Variants in CFAP58 observed in about 807,000 individuals in gnomAD.
CFAP58 encodes the protein cilia- and flagella-associated protein 58.
Under a neutral mutation model 119.5 loss-of-function variants are expected in CFAP58, and 88 were observed. The ratio of observed to expected loss-of-function variants is 0.74; its 90% confidence interval spans 0.62 to 0.88. The LOEUF is 0.88. CFAP58 is among the 40% of genes least tolerant of loss of function. CFAP58 has a pLI of 0.00. For synonymous variants in CFAP58, 365 were observed against 366.3 expected (o/e 1.00, Z 0.04); for missense variants, 990 against 1,021.2 (o/e 0.97, Z 0.42).
chr10:104,379,943 A>C, intron 8 of CFAP58, 86 bp from the exon 9 acceptor site: 1 of 1,029,288 alleles, frequency 9.7e-7, no homozygotes, highest in East Asian at 2.4e-5. Context: ...ATATCTAATT[A>C]TGTTAGAGAT....
intron 15 of CFAP58, among the ~76,000 whole-genome samples, chr10:104,442,397 G>A (rs898428009): frequency 2.6e-5 from 4 of 152,086 alleles, no homozygotes; most frequent in African/African-American, 9.7e-5. Flanking sequence ...AGACCAGCCT[G>A]ACCAACATGG....
At chr10:104,358,706 A>G (rs575939757) in intron 2 of CFAP58, 84 bp downstream of exon 2, 1 of 1,238,338 alleles carries the variant, frequency 8.1e-7, no homozygotes, top group African/African-American at 1.5e-5. Context: ...CTGGTAGTAA[A>G]TGAGTTATTA....
intron 15 of CFAP58, among the ~76,000 whole-genome samples, chr10:104,407,347 G>A (rs2012381880): frequency 6.6e-6 from 1 of 152,134 alleles, no homozygotes; most frequent in Admixed American, 6.5e-5. Flanking sequence ...CTTACTGCAT[G>A]CCAGATATGC....
At chr10:104,398,165 C>T (rs1245285777) in intron 11 of CFAP58, among the ~76,000 whole-genome samples, 2 of 152,230 alleles carry the variant, frequency 1.3e-5, no homozygotes, top group Non-Finnish European at 2.9e-5. Context: ...ATATAAACTC[C>T]TTTATGTGTA....
intron 15 of CFAP58, among the ~76,000 whole-genome samples, chr10:104,439,202 G>A (rs2012993553): frequency 6.6e-6 from 1 of 152,166 alleles, no homozygotes; most frequent in South Asian, 2.1e-4. Context: ...TCCTGGTAAT[G>A]AGAATATTCT....
rs769248158 is a variant in CFAP58 at position 104,366,006 on chromosome 10, A to G, written c.790A>G (p.Lys264Glu). 6.3e-7 allele frequency: 1 copy of G among 1,598,328 alleles called. No homozygotes were observed. The highest frequency in any genetic ancestry group is 8.5e-7 in the Non-Finnish European group (1 of 1,173,680). ...GCTGGAGCAGCAGCTGAAGGAGCAG[A>G]AGGTGAGTTGGGTGTGGGTCTTCGC... The part of the protein sequence containing the change: ...QKLEQQLKEQ[K>E]ILNERAAKEL... The change falls in exon 5 of 18, where the codon AAG becomes GAG. Residue 264 changes from lysine (K) to glutamate (E), a missense_variant and splice_region_variant. Coordinates refer to ENST00000369704, the MANE Select transcript of CFAP58 (RefSeq NM_001008723.2).
At chr10:104,380,250 G>T in intron 9 of CFAP58, 30 bp downstream of exon 9, 1 of 1,583,306 alleles carries the variant, frequency 6.3e-7, no homozygotes, top group Non-Finnish European at 8.6e-7. Context: ...TGTGGGTGGA[G>T]CAGAGGCACA....
intron 3 of CFAP58, 36 bp downstream of exon 3, chr10:104,362,207 C>T: frequency 6.4e-7 from 1 of 1,567,606 alleles, no homozygotes; most frequent in Non-Finnish European, 8.7e-7. Context: ...GTTAAACTTG[C>T]TTTTGCAGAG....
intron 7 of CFAP58, among the ~76,000 whole-genome samples, 193 bp downstream of exon 7, chr10:104,371,247 A>G (rs967919874): frequency 6.6e-6 from 1 of 152,130 alleles, no homozygotes; most frequent in African/African-American, 2.4e-5. Flanking sequence ...CTCTTACCTT[A>G]AACAATTCTT....
At chr10:104,427,059 C>T (rs761678881) in intron 15 of CFAP58, among the ~76,000 whole-genome samples, 7 of 152,066 alleles carry the variant, frequency 4.6e-5, no homozygotes, top group Non-Finnish European at 1.0e-4. Flanking sequence ...TGTTACAATG[C>T]CCAAGGAGAT....
intron 15 of CFAP58, among the ~76,000 whole-genome samples, chr10:104,438,508 T>C (rs1417979047): frequency 6.6e-6 from 1 of 151,746 alleles, no homozygotes; most frequent in Non-Finnish European, 1.5e-5. Context: ...CCCGAGTAGC[T>C]GGGACTACAG....
At chr10:104,448,331 A>G (rs551500282) in intron 16 of CFAP58, among the ~76,000 whole-genome samples, 1 of 152,254 alleles carries the variant, frequency 6.6e-6, no homozygotes, top group Non-Finnish European at 1.5e-5. Flanking sequence ...GGGAAATAAA[A>G]TCAGGCAAGA....
At chr10:104,376,213 G>A (rs1235357796) in intron 7 of CFAP58, among the ~76,000 whole-genome samples, 1 of 151,904 alleles carries the variant, frequency 6.6e-6, no homozygotes, top group Non-Finnish European at 1.5e-5. Flanking sequence ...ATGATATACA[G>A]CGTTAAATAA....
intron 11 of CFAP58, among the ~76,000 whole-genome samples, chr10:104,395,443 C>T (rs1316017142): frequency 6.6e-6 from 1 of 152,144 alleles, no homozygotes; most frequent in African/African-American, 2.4e-5. Context: ...AACTGGGATG[C>T]CCTTTCTCCC....
intron 15 of CFAP58, among the ~76,000 whole-genome samples, chr10:104,419,709 G>A (rs559937050): frequency 2.6e-5 from 4 of 152,010 alleles, no homozygotes; most frequent in Non-Finnish European, 5.9e-5. Flanking sequence ...TGGTGACTTC[G>A]TTGCTTTGTT....
In CFAP58 at chr10:104,380,215, C is replaced by T. The variant is rs145302969; in HGVS notation, c.1360C>T (p.Gln454Ter). 2.7e-4 allele frequency: 429 copies of T among 1,613,226 alleles called. 1 individual carries two copies. Among genetic ancestry groups the T allele is most frequent in the Admixed American group, 5.7e-4 (34 of 59,976 alleles). Reference sequence around the variant, plus strand: ...CATCAACCAAGCCAGTGACCTTACGCAAAAGGTAAGCTGCTCAGTGATGTT... The same window carrying T: ...CATCAACCAAGCCAGTGACCTTACGTAAAAGGTAAGCTGCTCAGTGATGTT... ...RYINQASDLT[Q>*]KVLMNMEDIK... The change falls in exon 9 of 18, where the codon CAA becomes TAA. Residue 454 changes from glutamine to a stop codon, truncating the protein, a stop_gained. Transcript: ENST00000369704. LOFTEE classifies it high-confidence loss of function.
Position 104,403,796 on chromosome 10 carries a change from G to A in CFAP58, c.2107G>A (p.Glu703Lys). Residue 703 changes from glutamate to lysine, a missense_variant, in exon 14 of 18, where the codon GAG becomes AAG. Transcript: ENST00000369704. ...GACACGCTGCCGAGCCCTGGAGGAG[G>A]AGCTGGAGAATCCCCTGAATGTGCA... ...ERTRCRALEEELENPLNVHRW... is the reference protein window; with the variant it reads ...ERTRCRALEEKLENPLNVHRW... 1 of 1,612,206 alleles carries A rather than the reference G, an allele frequency of 6.2e-7. No homozygotes were observed. The highest frequency in any genetic ancestry group is 8.5e-7 in the Non-Finnish European group (1 of 1,179,088).
intron 15 of CFAP58, among the ~76,000 whole-genome samples, chr10:104,447,037 G>C (rs2013120917): frequency 3.3e-5 from 5 of 150,612 alleles, no homozygotes; most frequent in Admixed American, 3.3e-4. Flanking sequence ...TTTCAGATGG[G>C]GCCTGGAGTG....
chr10:104,408,580 TCACCA>T (rs2012403655), intron 15 of CFAP58, among the ~76,000 whole-genome samples: 1 of 152,234 alleles, frequency 6.6e-6, no homozygotes, highest in African/African-American at 2.4e-5. Flanking sequence ...TGTTCTGTTA[TCACCA>T]CTTTGTTAGT....
Sources: gnomAD v4.1 joint callset for allele counts (sites outside exome capture counted in the v4.1 genomes callset) on GRCh38, gnomAD v4.1.1 for gene constraint, MANE v1.5 for transcripts, NCBI Gene and HGNC (gene_info 2026-07-23, HGNC 2026-07-21) for gene names.